The following SNX2 variants were observed in gnomAD, a reference collection of about 807,000 sequenced individuals.
SNX2 encodes sorting nexin 2, also known as sorting nexin-2.
A neutral mutation model predicts 69.9 loss-of-function variants in SNX2; 25 were observed. The observed-to-expected ratio is 0.36, with a 90% CI of 0.26 to 0.50. SNX2 has a LOEUF of 0.50. Among genes scored for constraint, SNX2 ranks in the 20% least tolerant of loss-of-function variants. The probability of loss-of-function intolerance (pLI) is 0.97; values close to 1 mark genes in which losing one functional copy is unlikely to be tolerated. For synonymous variants in SNX2, 229 were observed against 200.4 expected, an observed-to-expected ratio of 1.14 and a Z score of -1.20; for missense variants, 551 against 613.3, an observed-to-expected ratio of 0.90 and a Z score of 1.07.
intron 1 of SNX2, 127 bp downstream of exon 1, chr5:122,775,338 C>G (rs113439224): frequency 1.4e-6 from 2 of 1,388,076 alleles, no homozygotes; most frequent in Non-Finnish European, 9.4e-7. Flanking sequence ...ACCTGTGACG[C>G]GAGCCCCACC....
At chr5:122,829,545 A>G (rs1236514131) in intron 14 of SNX2, 53 bp from the exon 15 acceptor site, 1 of 1,454,182 alleles carries the variant, frequency 6.9e-7, no homozygotes, top group Non-Finnish European at 9.6e-7. Context: ...ATATATGCAT[A>G]TAAATGACAA....
rs915368236 is a variant in SNX2 at position 122,789,440 on chromosome 5, C to T, written c.109-5826C>T. Among the ~76,000 whole-genome samples the T allele has an allele frequency of 1.1e-4, 8 of 70,486 alleles. No homozygotes were observed. In the South Asian group the frequency reaches 4.8e-3, roughly 42 times the overall value. 46.2% of individuals were successfully genotyped at this position (70,486 alleles called of 152,430 possible). Reference sequence around the variant, plus strand: ...CCCCACCTTCCCCACCACACACACACATACACACACACACACACACACAGA... The same window carrying T: ...CCCCACCTTCCCCACCACACACACATATACACACACACACACACACACAGA... On this transcript the variant is annotated intron_variant, in intron 1 of 14. Transcript: ENST00000379516.
At chr5:122,808,380 T>C in intron 7 of SNX2, 25 bp downstream of exon 7, 1 of 1,472,342 alleles carries the variant, frequency 6.8e-7, no homozygotes, top group Non-Finnish European at 9.4e-7. Context: ...CTATATTTTA[T>C]TACTCTCATG....
chr5:122,802,812 G>A (rs1244639657), intron 5 of SNX2, among the ~76,000 whole-genome samples: 2 of 152,152 alleles, frequency 1.3e-5, no homozygotes, highest in East Asian at 3.8e-4. Flanking sequence ...AGCAAAATAA[G>A]TGGCTTCTTG....
At chr5:122,779,288 T>C (rs1581621105) in intron 1 of SNX2, among the ~76,000 whole-genome samples, 1 of 151,190 alleles carries the variant, frequency 6.6e-6, no homozygotes, top group South Asian at 2.1e-4. Flanking sequence ...AAAGATACCC[T>C]GTACCCTTTA....
At chr5:122,782,658 T>C (rs1252873020) in intron 1 of SNX2, among the ~76,000 whole-genome samples, 1 of 151,938 alleles carries the variant, frequency 6.6e-6, no homozygotes, top group Non-Finnish European at 1.5e-5. Context: ...TGCCTCAGCC[T>C]CCCTAGTAGC....
chr5:122,779,523 T>C (rs923890396), intron 1 of SNX2, among the ~76,000 whole-genome samples: 24 of 152,242 alleles, frequency 1.6e-4, no homozygotes, highest in African/African-American at 5.3e-4. Flanking sequence ...TATTCTATAG[T>C]ATGGCTGTAC....
At chr5:122,778,591 C>CTCCA (rs1310022441) in intron 1 of SNX2, among the ~76,000 whole-genome samples, 1 of 152,152 alleles carries the variant, frequency 6.6e-6, no homozygotes, top group African/African-American at 2.4e-5. Flanking sequence ...TCACTGCAGT[C>CTCCA]TCCACCTCCC....
At chr5:122,799,599 T>G in intron 2 of SNX2, 93 bp from the exon 3 acceptor site, 1 of 746,140 alleles carries the variant, frequency 1.3e-6, no homozygotes, top group Non-Finnish European at 2.0e-6. Context: ...GTGGGTAATA[T>G]AAAAATATTT....
rs995530939 is a variant in SNX2, at chr5:122,829,844, C to A, written c.*196C>A. On this transcript the variant is annotated 3_prime_UTR_variant, in exon 15 of 15. Coordinates refer to ENST00000379516, the MANE Select transcript of SNX2 (RefSeq NM_003100.4). Reference sequence around the variant, plus strand: ...TTTTATTACAAGCTGCATGTCCTGACCCTCTTTGAATTAAGTGGACTGTGG... The same window carrying A: ...TTTTATTACAAGCTGCATGTCCTGAACCTCTTTGAATTAAGTGGACTGTGG... 1 of 589,764 alleles carries A rather than the reference C, an allele frequency of 1.7e-6. No individual in the cohort carries two copies. Among genetic ancestry groups the A allele is most frequent in the Non-Finnish European group, 3.1e-6 (1 of 326,794 alleles). The allele number at this position is 589,764 out of a possible 1,614,324, so 36.5% of individuals were successfully genotyped here.
intron 1 of SNX2, among the ~76,000 whole-genome samples, chr5:122,781,356 TG>T (rs1752977588): frequency 6.6e-6 from 1 of 152,248 alleles, no homozygotes; most frequent in South Asian, 2.1e-4. Context: ...GTTAATGACT[TG>T]TTTATTATTG....
chr5:122,799,994 G>T, intron 3 of SNX2, 139 bp downstream of exon 3: 1 of 610,094 alleles, frequency 1.6e-6, no homozygotes, highest in Non-Finnish European at 2.7e-6. Flanking sequence ...TTAGTTATGG[G>T]ATCTGGCTTC....
intron 1 of SNX2, among the ~76,000 whole-genome samples, chr5:122,793,124 T>G (rs1753283185): frequency 6.6e-6 from 1 of 152,182 alleles, no homozygotes; most frequent in Non-Finnish European, 1.5e-5. Context: ...ATTCTTAGGT[T>G]TATACAAACA....
At chr5:122,778,352 G>A (rs2149999132) in intron 1 of SNX2, among the ~76,000 whole-genome samples, 1 of 152,242 alleles carries the variant, frequency 6.6e-6, no homozygotes, top group African/African-American at 2.4e-5. Flanking sequence ...TGGGATTGCT[G>A]AATCATCCGG....
chr5:122,816,781 T>A (rs1753908348), intron 8 of SNX2, 134 bp from the exon 9 acceptor site: 2 of 487,664 alleles, frequency 4.1e-6, no homozygotes, highest in Middle Eastern at 3.2e-4. Flanking sequence ...TGTATGAGAG[T>A]GAAGAAAATA....
intron 10 of SNX2, 71 bp from the exon 11 acceptor site, chr5:122,818,747 G>A (rs1235812901): frequency 1.6e-6 from 2 of 1,275,090 alleles, no homozygotes; most frequent in Non-Finnish European, 2.2e-6. Flanking sequence ...GAGAAAAGTG[G>A]AAAAATCAAT....
At chr5:122,808,005 T>G (rs1490680933) in intron 6 of SNX2, among the ~76,000 whole-genome samples, 1 of 152,172 alleles carries the variant, frequency 6.6e-6, no homozygotes, top group Non-Finnish European at 1.5e-5. Context: ...CTTTTTGATG[T>G]AAGCTTTTCT....
At chr5:122,817,538 C>G (rs1293824527) in intron 10 of SNX2, among the ~76,000 whole-genome samples, 165 bp downstream of exon 10, 1 of 151,702 alleles carries the variant, frequency 6.6e-6, no homozygotes, top group Admixed American at 6.6e-5. Context: ...TTTTTTTGTT[C>G]TATTTTGCTT....
intron 2 of SNX2, among the ~76,000 whole-genome samples, chr5:122,797,882 A>G (rs1346004238): frequency 6.6e-6 from 1 of 152,194 alleles, no homozygotes; most frequent in African/African-American, 2.4e-5. Flanking sequence ...CAGATTATAT[A>G]TATATGTTGA....
Sources: allele counts gnomAD v4.1 joint callset (sites outside exome capture counted in the v4.1 genomes callset), GRCh38; gene constraint gnomAD v4.1.1; transcripts MANE v1.5; gene names NCBI Gene and HGNC (gene_info 2026-07-23, HGNC 2026-07-21).